GRIK1: variants seen among roughly 807,000 people sequenced by gnomAD.
GRIK1 encodes the protein glutamate ionotropic receptor kainate type subunit 1, also known as glutamate receptor ionotropic, kainate 1.
GRIK1 carries 69 observed loss-of-function variants against 105.7 expected under a neutral mutation model. The observed-to-expected ratio is 0.65, with a 90% CI of 0.54 to 0.80. The LOEUF (loss-of-function observed/expected upper bound fraction) is 0.80. Among genes scored for constraint, GRIK1 ranks in the 30% least tolerant of loss-of-function variants. The probability of loss-of-function intolerance (pLI) is 0.00; values close to 1 mark genes in which losing one functional copy is unlikely to be tolerated. For synonymous variants in GRIK1, 438 were observed against 431.3 expected, an observed-to-expected ratio of 1.02 and a Z score of -0.19; for missense variants, 1,109 against 1,167.3, an observed-to-expected ratio of 0.95 and a Z score of 0.73.
chr21:29,671,651 A>G (rs1332838722), intron 4 of GRIK1, among the ~76,000 whole-genome samples: 2 of 152,154 alleles, frequency 1.3e-5, no homozygotes, highest in Non-Finnish European at 2.9e-5. Flanking sequence ...CTACTTATGA[A>G]ATTACTGGCC....
At chr21:29,875,547 G>T (rs567513177) in intron 1 of GRIK1, among the ~76,000 whole-genome samples, 1 of 152,040 alleles carries the variant, frequency 6.6e-6, no homozygotes, top group South Asian at 2.1e-4. Context: ...ATCCTTAGGG[G>T]CTTCCACTGA....
chr21:29,672,584 CT>C (rs560541946), intron 4 of GRIK1, among the ~76,000 whole-genome samples: 1 of 152,054 alleles, frequency 6.6e-6, no homozygotes, highest in Non-Finnish European at 1.5e-5. Context: ...ACAAAAAGGT[CT>C]TGCCATGAGG....
chr21:29,693,528 A>C (rs930265503), intron 2 of GRIK1, among the ~76,000 whole-genome samples: 2 of 152,184 alleles, frequency 1.3e-5, no homozygotes, highest in African/African-American at 4.8e-5. Context: ...GGGCATTTCC[A>C]CATGCTCAGT....
chr21:29,871,778 T>G (rs953058623), intron 1 of GRIK1, among the ~76,000 whole-genome samples: 25 of 149,962 alleles, frequency 1.7e-4, no homozygotes, highest in African/African-American at 4.6e-4. Context: ...TTTTTTTTTT[T>G]TTTGAGACAG....
At chr21:29,574,208 T>A (rs1253741691) in intron 14 of GRIK1, among the ~76,000 whole-genome samples, 1 of 152,262 alleles carries the variant, frequency 6.6e-6, no homozygotes, top group Non-Finnish European at 1.5e-5. Flanking sequence ...ACATCTGGTC[T>A]GAAACATTTC....
At chr21:29,846,112 C>A (rs915596805) in intron 1 of GRIK1, among the ~76,000 whole-genome samples, 1 of 152,026 alleles carries the variant, frequency 6.6e-6, no homozygotes, top group African/African-American at 2.4e-5. Context: ...GCTTCTTGAC[C>A]GGGTGCAGTG....
chr21:29,931,689 G>A (rs2071569226), intron 1 of GRIK1, among the ~76,000 whole-genome samples: 1 of 151,938 alleles, frequency 6.6e-6, no homozygotes, highest in Non-Finnish European at 1.5e-5. Context: ...TTTTTTCTGA[G>A]GAGCTCTAGG....
At chr21:29,938,776 C>T (rs1192482712) in intron 1 of GRIK1, among the ~76,000 whole-genome samples, 1 of 152,178 alleles carries the variant, frequency 6.6e-6, no homozygotes, top group Non-Finnish European at 1.5e-5. Flanking sequence ...TTCGAATCTT[C>T]AGCTCGAAGT....
chr21:29,629,953 G>A (rs1164772580), intron 7 of GRIK1, among the ~76,000 whole-genome samples: 1 of 152,182 alleles, frequency 6.6e-6, no homozygotes, highest in Non-Finnish European at 1.5e-5. Context: ...GGACACCGTG[G>A]ATTTGCCATG....
chr21:29,546,204 G>A (rs2090047523), intron 16 of GRIK1, among the ~76,000 whole-genome samples: 1 of 152,206 alleles, frequency 6.6e-6, no homozygotes, highest in Non-Finnish European at 1.5e-5. Flanking sequence ...AAGTCTTCCA[G>A]TCCACTGGTT....
At chr21:29,541,970 A>G (rs1474525589) in intron 16 of GRIK1, among the ~76,000 whole-genome samples, 1 of 152,192 alleles carries the variant, frequency 6.6e-6, no homozygotes, top group African/African-American at 2.4e-5. Flanking sequence ...AAATGAATTT[A>G]TAGTAATAAA....
chr21:29,675,420 C>G (rs542613757), intron 3 of GRIK1, among the ~76,000 whole-genome samples: 2 of 151,942 alleles, frequency 1.3e-5, no homozygotes, highest in South Asian at 4.2e-4. Flanking sequence ...AATGTGGTCT[C>G]TAAATAACAT....
At chr21:29,730,268 C>A (rs1157559831) in intron 1 of GRIK1, among the ~76,000 whole-genome samples, 1 of 152,008 alleles carries the variant, frequency 6.6e-6, no homozygotes, top group East Asian at 1.9e-4. Flanking sequence ...TTAAATAATA[C>A]CACCACTCAG....
At chr21:29,847,584 T>C (rs766018295) in intron 1 of GRIK1, among the ~76,000 whole-genome samples, 5 of 152,132 alleles carry the variant, frequency 3.3e-5, no homozygotes, top group Non-Finnish European at 5.9e-5. Context: ...TGAGACTCTG[T>C]CTCAAAAAAC....
intron 2 of GRIK1, 26 bp from the exon 3 acceptor site, chr21:29,690,011 T>TTG: frequency 7.7e-7 from 1 of 1,298,472 alleles, no homozygotes; most frequent in Non-Finnish European, 1.1e-6. Context: ...AAGGAGAGGA[T>TTG]GGGGAGGGAG....
intron 1 of GRIK1, among the ~76,000 whole-genome samples, chr21:29,876,678 A>G (rs1197104075): frequency 1.3e-5 from 2 of 152,166 alleles, no homozygotes; most frequent in Non-Finnish European, 2.9e-5. Flanking sequence ...GTTTCATCTA[A>G]TATGTTCTTT....
chr21:29,918,915 G>GTGAC (rs1252811861), intron 1 of GRIK1, among the ~76,000 whole-genome samples: 6 of 152,008 alleles, frequency 3.9e-5, no homozygotes, highest in Admixed American at 1.3e-4. Context: ...TTCATAGAAG[G>GTGAC]TGACTGTAAG....
At position 29,689,257 on chromosome 21, in the gene GRIK1, T is replaced by C. The variant is rs150503846; in HGVS notation, c.544+471A>G. 8.4e-3 allele frequency among the ~76,000 whole-genome samples: 1,284 copies of C among 152,264 alleles called. 19 individuals carry two copies. The highest frequency in any genetic ancestry group is 0.03 in the African/African-American group (1,239 of 41,542). On this transcript the variant is annotated intron_variant, in intron 3 of 17. Coordinates refer to ENST00000327783, the MANE Select transcript of GRIK1 (RefSeq NM_001330994.2). ...TTAAGCACTCATCAATGGGGATTCATAGTCCCTTTCCCATGACATAATCCA... is the reference window on the plus strand; with the variant it reads ...TTAAGCACTCATCAATGGGGATTCACAGTCCCTTTCCCATGACATAATCCA...
At chr21:29,902,448 G>A (rs1006014849) in intron 1 of GRIK1, among the ~76,000 whole-genome samples, 4 of 152,168 alleles carry the variant, frequency 2.6e-5, no homozygotes, top group African/African-American at 9.7e-5. Flanking sequence ...CTTTGGCAAA[G>A]TCTCAGGATA....
Sources: allele counts gnomAD v4.1 joint callset (sites outside exome capture counted in the v4.1 genomes callset), GRCh38; gene constraint gnomAD v4.1.1; transcripts MANE v1.5; gene names NCBI Gene and HGNC (gene_info 2026-07-23, HGNC 2026-07-21).